NKAIN2: variants seen among roughly 807,000 people sequenced by gnomAD.
NKAIN2 encodes the protein sodium/potassium transporting ATPase interacting 2.
A neutral mutation model predicts 32.6 loss-of-function variants in NKAIN2; 14 were observed. That is an observed-to-expected ratio of 0.43 (90% CI 0.28 to 0.67). The LOEUF (loss-of-function observed/expected upper bound fraction) is 0.67. Ranked by LOEUF, NKAIN2 falls within the 30% of genes least tolerant of loss-of-function variation. The pLI is 0.17. For missense variants in NKAIN2, 198 were observed against 258.3 expected, an observed-to-expected ratio of 0.77 and a Z score of 1.60; for synonymous variants, 80 against 87.2, an observed-to-expected ratio of 0.92 and a Z score of 0.46.
intron 4 of NKAIN2, among the ~76,000 whole-genome samples, chr6:124,735,257 T>C (rs1776879487): frequency 6.6e-6 from 1 of 151,922 alleles, no homozygotes; most frequent in Admixed American, 6.6e-5. Flanking sequence ...AACAGACTTT[T>C]ATTTGAATCT....
chr6:124,820,094 C>T (rs1411406653), intron 6 of NKAIN2, among the ~76,000 whole-genome samples: 1 of 152,132 alleles, frequency 6.6e-6, no homozygotes, highest in East Asian at 1.9e-4. Flanking sequence ...CCATGTACTA[C>T]AGTTGTTTGC....
chr6:124,564,191 G>A (rs756459166), intron 3 of NKAIN2, among the ~76,000 whole-genome samples: 25 of 152,084 alleles, frequency 1.6e-4, no homozygotes, highest in African/African-American at 2.4e-4. Flanking sequence ...TTGTAAACAC[G>A]CCAATCAGCG....
intron 1 of NKAIN2, among the ~76,000 whole-genome samples, chr6:123,819,082 G>T (rs1304743135): frequency 6.6e-6 from 1 of 152,126 alleles, no homozygotes; most frequent in Admixed American, 6.5e-5. Flanking sequence ...AGGTGTTCTG[G>T]CTATATGTGA....
intron 1 of NKAIN2, among the ~76,000 whole-genome samples, chr6:123,888,083 T>C (rs941105995): frequency 5.3e-5 from 8 of 151,810 alleles, no homozygotes; most frequent in Admixed American, 2.0e-4. Context: ...TAAATATAAA[T>C]ATCTAGAGTA....
intron 3 of NKAIN2, among the ~76,000 whole-genome samples, chr6:124,487,468 A>G (rs1204387709): frequency 6.6e-6 from 1 of 152,176 alleles, no homozygotes; most frequent in Non-Finnish European, 1.5e-5. Context: ...AACCTTCCCA[A>G]ATGACATGCC....
At chr6:124,410,112 C>T (rs1191720795) in intron 3 of NKAIN2, among the ~76,000 whole-genome samples, 1 of 152,054 alleles carries the variant, frequency 6.6e-6, no homozygotes, top group Non-Finnish European at 1.5e-5. Context: ...TGCTAGTGGT[C>T]TATCAATTTT....
chr6:123,881,667 A>G (rs916157547), intron 1 of NKAIN2, among the ~76,000 whole-genome samples: 4 of 152,198 alleles, frequency 2.6e-5, no homozygotes, highest in African/African-American at 9.6e-5. Context: ...TGGATTTCAT[A>G]TATAATGATT....
At chr6:123,944,005 G>T (rs1444204421) in intron 1 of NKAIN2, among the ~76,000 whole-genome samples, 1 of 151,888 alleles carries the variant, frequency 6.6e-6, no homozygotes, top group East Asian at 1.9e-4. Flanking sequence ...TTATTTGCAG[G>T]CATTAATTGA....
At chr6:124,386,734 G>A (rs4621650) in intron 3 of NKAIN2, among the ~76,000 whole-genome samples, 11 of 152,146 alleles carry the variant, frequency 7.2e-5, no homozygotes, top group Non-Finnish European at 1.6e-4. Context: ...GCATGGACAA[G>A]ATAAATTCTC....
chr6:123,832,613 G>T (rs9490959), intron 1 of NKAIN2, among the ~76,000 whole-genome samples: 11,083 of 152,200 alleles, frequency 0.073, 837 homozygotes, highest in African/African-American at 0.19. Flanking sequence ...AGTTCTTACT[G>T]CTTCACATCC....
At chr6:124,079,230 A>G (rs989390478) in intron 1 of NKAIN2, among the ~76,000 whole-genome samples, 5 of 152,158 alleles carry the variant, frequency 3.3e-5, no homozygotes, top group African/African-American at 4.8e-5. Context: ...AGGCATGAGA[A>G]TTGCTTGAAC....
chr6:124,548,122 C>A (rs1421366817), intron 3 of NKAIN2, among the ~76,000 whole-genome samples: 1 of 152,114 alleles, frequency 6.6e-6, no homozygotes, highest in Non-Finnish European at 1.5e-5. Flanking sequence ...TATATTGCCA[C>A]AATTCTTAAG....
chr6:124,346,681 T>G lies in NKAIN2; in HGVS notation c.193-8586T>G, dbSNP rs1385636708. On this transcript the variant is annotated intron_variant, in intron 2 of 6. Transcript: ENST00000368417. ...CCCCTGCCTTTTTTTGTTTTCCATT[T>G]GCTTGGTAGATCTTCCTCCATCCTT... 4.0e-5 allele frequency among the ~76,000 whole-genome samples: 6 copies of G among 151,872 alleles called. No individual in the cohort carries two copies. In the South Asian group the frequency reaches 1.3e-3, roughly 32 times the overall value.
chr6:124,391,355 T>G (rs1431611399), intron 3 of NKAIN2, among the ~76,000 whole-genome samples: 7 of 152,156 alleles, frequency 4.6e-5, no homozygotes, highest in Non-Finnish European at 1.0e-4. Flanking sequence ...TCTTGCCTTT[T>G]TGTTTTCTTA....
intron 1 of NKAIN2, among the ~76,000 whole-genome samples, chr6:123,863,657 T>C (rs1298278865): frequency 6.6e-6 from 1 of 152,186 alleles, no homozygotes; most frequent in East Asian, 1.9e-4. Flanking sequence ...GTAGAGTTGG[T>C]ACACCTTGGT....
At chr6:124,802,379 T>C (rs1780299258) in intron 5 of NKAIN2, among the ~76,000 whole-genome samples, 1 of 152,116 alleles carries the variant, frequency 6.6e-6, no homozygotes, top group South Asian at 2.1e-4. Context: ...CTGAAAGACA[T>C]GTCATATATA....
chr6:124,724,692 A>G (rs1776188762), intron 4 of NKAIN2, among the ~76,000 whole-genome samples: 1 of 152,248 alleles, frequency 6.6e-6, no homozygotes, highest in Non-Finnish European at 1.5e-5. Flanking sequence ...ATAAGAATTA[A>G]GGATGAGGAT....
At chr6:124,051,814 C>A (rs1402561723) in intron 1 of NKAIN2, among the ~76,000 whole-genome samples, 2 of 151,858 alleles carry the variant, frequency 1.3e-5, no homozygotes, top group African/African-American at 4.8e-5. Context: ...GTTAGTGGTA[C>A]CCAATAAAAG....
In NKAIN2 at chr6:124,056,062, C is replaced by T. The variant is rs190310895; in HGVS notation, c.55-226943C>T. 1.1e-3 allele frequency among the ~76,000 whole-genome samples: 171 copies of T among 152,150 alleles called. 2 individuals carry two copies. The highest frequency in any genetic ancestry group is 1.7e-3 in the Admixed American group (26 of 15,262). ...CTCTCTTAATTCCAGGTGAGCTGAT[C>T]GATTGCCCACATTTCTGCAAGTACC... is the stretch of plus-strand genomic sequence containing the variant. On this transcript the variant is annotated intron_variant, in intron 1 of 6. Transcript: ENST00000368417.
Sources: allele counts gnomAD v4.1 joint callset (sites outside exome capture counted in the v4.1 genomes callset), GRCh38; gene constraint gnomAD v4.1.1; transcripts MANE v1.5; gene names NCBI Gene and HGNC (gene_info 2026-07-23, HGNC 2026-07-21).